ATP8A2: variants seen among roughly 807,000 people sequenced by gnomAD.
ATP8A2 encodes ATPase phospholipid transporting 8A2.
A neutral mutation model predicts 165.6 loss-of-function variants in ATP8A2; 100 were observed. The ratio of observed to expected loss-of-function variants is 0.60; its 90% CI spans 0.51 to 0.71. ATP8A2 has a LOEUF of 0.71. Ranked by LOEUF, ATP8A2 falls within the 30% of genes least tolerant of loss-of-function variation. The pLI is 0.00. For missense variants in ATP8A2, 1,227 were observed against 1,479.5 expected (o/e 0.83, Z 2.80); for synonymous variants, 543 against 548.8 (o/e 0.99, Z 0.15).
At chr13:25,663,932 G>A (rs2042100135) in intron 24 of ATP8A2, among the ~76,000 whole-genome samples, 1 of 152,188 alleles carries the variant, frequency 6.6e-6, no homozygotes, top group South Asian at 2.1e-4. Context: ...TAGACGGCCA[G>A]GCATGGTGGC....
intron 25 of ATP8A2, among the ~76,000 whole-genome samples, chr13:25,766,867 G>T (rs772524078): frequency 6.6e-5 from 10 of 152,192 alleles, no homozygotes; most frequent in Non-Finnish European, 1.5e-4. Context: ...GGTGGAGTGT[G>T]AGATGCAATT....
intron 24 of ATP8A2, among the ~76,000 whole-genome samples, chr13:25,622,921 A>T (rs190941115): frequency 5.8e-4 from 88 of 152,336 alleles, no homozygotes; most frequent in African/African-American, 2.1e-3. Flanking sequence ...AAAGTGAAAA[A>T]TTGATTTGCA....
At chr13:25,914,674 G>A (rs192951287) in intron 33 of ATP8A2, among the ~76,000 whole-genome samples, 1 of 151,978 alleles carries the variant, frequency 6.6e-6, no homozygotes, top group African/African-American at 2.4e-5. Context: ...TCCCCTTCCC[G>A]CCATGCTTTA....
chr13:25,751,332 G>A (rs1416791478), intron 25 of ATP8A2, among the ~76,000 whole-genome samples: 1 of 152,172 alleles, frequency 6.6e-6, no homozygotes, highest in Non-Finnish European at 1.5e-5. Context: ...GGAAAGTTAT[G>A]ATGGAAATAT....
intron 25 of ATP8A2, among the ~76,000 whole-genome samples, chr13:25,757,444 A>G (rs1307747933): frequency 6.6e-6 from 1 of 152,090 alleles, no homozygotes; most frequent in Non-Finnish European, 1.5e-5. Context: ...AGATTACAAC[A>G]CCAAAGTTGT....
At chr13:25,668,332 T>C (rs916942436) in intron 24 of ATP8A2, among the ~76,000 whole-genome samples, 1 of 152,060 alleles carries the variant, frequency 6.6e-6, no homozygotes, top group Non-Finnish European at 1.5e-5. Flanking sequence ...CTTTCAGCTT[T>C]TTAAATATTT....
intron 27 of ATP8A2, among the ~76,000 whole-genome samples, chr13:25,793,240 T>A (rs1449770533): frequency 6.6e-6 from 1 of 152,198 alleles, no homozygotes; most frequent in Non-Finnish European, 1.5e-5. Context: ...CAAGTGACCA[T>A]CAGTACAAAG....
intron 24 of ATP8A2, among the ~76,000 whole-genome samples, chr13:25,678,792 G>A (rs79664457): frequency 5.3e-5 from 8 of 152,276 alleles, no homozygotes; most frequent in African/African-American, 1.9e-4. Flanking sequence ...CACCTCTAAG[G>A]CTTCCTCATA....
At chr13:25,583,083 A>G (rs942008126) in intron 23 of ATP8A2, among the ~76,000 whole-genome samples, 2 of 152,218 alleles carry the variant, frequency 1.3e-5, no homozygotes, top group African/African-American at 4.8e-5. Flanking sequence ...GTATGATGGT[A>G]TTTTAGTGCA....
rs1395323373 is a variant in ATP8A2, at chr13:25,764,135, TAG to T, written c.2385-4910_2385-4909del. The stretch of plus-strand genomic sequence containing the variant: ...TGATATATTGGAGCACTTTATTTTA[TAG>T]TTAAATATTATGTATTTTAGGCTTG... On this transcript the variant is annotated intron_variant, in intron 25 of 36. Coordinates refer to ENST00000381655, the MANE Select transcript of ATP8A2 (RefSeq NM_016529.6). Among the ~76,000 whole-genome samples, 6 of 152,218 alleles carry T rather than the reference TAG, an allele frequency of 3.9e-5. No homozygotes were observed. The East Asian group carries it at 1.2e-3, about 29-fold the overall frequency.
chr13:25,560,487 G>A (rs529526174), intron 15 of ATP8A2, among the ~76,000 whole-genome samples: 85 of 152,016 alleles, frequency 5.6e-4, no homozygotes, highest in African/African-American at 1.9e-3. Flanking sequence ...ATCACTGGAC[G>A]TCAGGAGTTC....
intron 23 of ATP8A2, 32 bp from the exon 24 acceptor site, chr13:25,589,603 A>T (rs888452415): frequency 6.4e-7 from 1 of 1,556,834 alleles, no homozygotes. Flanking sequence ...AAGGAAAGAG[A>T]AATTCACATG....
intron 24 of ATP8A2, among the ~76,000 whole-genome samples, chr13:25,662,604 T>G (rs2042073426): frequency 6.6e-6 from 1 of 152,218 alleles, no homozygotes; most frequent in Non-Finnish European, 1.5e-5. Context: ...AGTGAGCCAC[T>G]GCAGACAGAA....
intron 26 of ATP8A2, among the ~76,000 whole-genome samples, chr13:25,770,154 A>G (rs1350235493): frequency 2.6e-5 from 4 of 152,212 alleles, no homozygotes; most frequent in African/African-American, 9.6e-5. Flanking sequence ...AGTTTAAACA[A>G]AGATGGTAAC....
intron 2 of ATP8A2, among the ~76,000 whole-genome samples, chr13:25,473,532 G>C (rs1348827959): frequency 1.3e-5 from 2 of 152,090 alleles, no homozygotes. Flanking sequence ...ATGTTTTAAA[G>C]GTTTTAGTGC....
chr13:25,986,463 G>A (rs1260494051), intron 35 of ATP8A2, among the ~76,000 whole-genome samples: 1 of 152,174 alleles, frequency 6.6e-6, no homozygotes, highest in Non-Finnish European at 1.5e-5. Context: ...TGCAGTGTTT[G>A]TCTTTCTGTG....
intron 25 of ATP8A2, among the ~76,000 whole-genome samples, chr13:25,761,645 A>G (rs1005961021): frequency 1.4e-5 from 2 of 147,690 alleles, no homozygotes; most frequent in Non-Finnish European, 3.0e-5. Flanking sequence ...TATAATATAT[A>G]TTAGCACAGT....
intron 11 of ATP8A2, 59 bp downstream of exon 11, chr13:25,551,562 T>A (rs2038825523): frequency 2.6e-6 from 4 of 1,527,636 alleles, no homozygotes; most frequent in Non-Finnish European, 3.6e-6. Flanking sequence ...GAGATGTTCT[T>A]GCAGCCATGG....
rs556790215 is a variant in ATP8A2 at position 25,870,503 on chromosome 13, A to G, written c.3183+8095A>G. ...TTCCCTTCCATATCACAATTACTACATATCAGACAAAACATATTCATGAAA... is the reference window on the plus strand; with the variant it reads ...TTCCCTTCCATATCACAATTACTACGTATCAGACAAAACATATTCATGAAA... On this transcript the variant is annotated intron_variant, in intron 33 of 36. Coordinates refer to ENST00000381655, the MANE Select transcript of ATP8A2 (RefSeq NM_016529.6). Among the ~76,000 whole-genome samples, 5 of 152,258 alleles carry G rather than the reference A, an allele frequency of 3.3e-5. No homozygotes were observed. In the East Asian group the frequency reaches 7.7e-4, roughly 24 times the overall value.
Sources: allele counts gnomAD v4.1 joint callset (sites outside exome capture counted in the v4.1 genomes callset), GRCh38; gene constraint gnomAD v4.1.1; transcripts MANE v1.5; gene names NCBI Gene and HGNC (gene_info 2026-07-23, HGNC 2026-07-21).